The following ARID1B variants were observed in gnomAD, a reference collection of about 807,000 sequenced individuals.
The protein encoded by ARID1B is AT-rich interaction domain 1B, also known as AT-rich interactive domain-containing protein 1B.
A neutral mutation model predicts 212.3 loss-of-function variants in ARID1B; 30 were observed. That is an observed-to-expected ratio of 0.14 (90% CI 0.11 to 0.19). ARID1B has a LOEUF of 0.19. ARID1B is among the 10% of genes least tolerant of loss of function. The pLI, the probability that ARID1B is intolerant of heterozygous loss-of-function variation, is 1.00. For synonymous variants in ARID1B, 1,402 were observed against 1,301.7 expected, an observed-to-expected ratio of 1.08 and a Z score of -1.66; for missense variants, 2,891 against 3,204.0, an observed-to-expected ratio of 0.90 and a Z score of 2.36.
At chr6:157,021,427 G>A (rs920120969) in intron 4 of ARID1B, among the ~76,000 whole-genome samples, 2 of 152,206 alleles carry the variant, frequency 1.3e-5, no homozygotes, top group East Asian at 3.9e-4. Context: ...CGAGCGCGGA[G>A]GGGACCGAGT....
At chr6:156,919,514 A>C (rs1297698551) in intron 3 of ARID1B, among the ~76,000 whole-genome samples, 1 of 152,232 alleles carries the variant, frequency 6.6e-6, no homozygotes, top group African/African-American at 2.4e-5. Flanking sequence ...GAAGCCAGGC[A>C]GGCCTGGAGT....
intron 4 of ARID1B, among the ~76,000 whole-genome samples, chr6:156,959,108 T>C (rs1305612581): frequency 6.6e-6 from 1 of 152,210 alleles, no homozygotes; most frequent in Non-Finnish European, 1.5e-5. Context: ...TGAAATGTTT[T>C]CCTCTATTGG....
chr6:157,028,324 G>A (rs1780793317), intron 4 of ARID1B, among the ~76,000 whole-genome samples: 1 of 152,232 alleles, frequency 6.6e-6, no homozygotes, highest in East Asian at 1.9e-4. Flanking sequence ...AGTATAGAAA[G>A]TGTTAAGAAG....
At chr6:157,182,171 C>T (rs1792594456) in intron 12 of ARID1B, among the ~76,000 whole-genome samples, 1 of 152,120 alleles carries the variant, frequency 6.6e-6, no homozygotes, top group Admixed American at 6.5e-5. Flanking sequence ...ATCACTTGAG[C>T]CCAGGAGTTC....
At chr6:156,784,161 T>TTGGGTG (rs1420035644) in intron 1 of ARID1B, among the ~76,000 whole-genome samples, 1 of 152,094 alleles carries the variant, frequency 6.6e-6, no homozygotes, top group East Asian at 1.9e-4. Context: ...TTTGGTTGCA[T>TTGGGTG]GCCTTTTCGG....
chr6:157,154,523 G>A (rs558303565), intron 8 of ARID1B, among the ~76,000 whole-genome samples: 1 of 147,756 alleles, frequency 6.8e-6, no homozygotes, highest in South Asian at 2.1e-4. Flanking sequence ...ATTGAGTCAG[G>A]AGCAGGGTCC....
intron 3 of ARID1B, among the ~76,000 whole-genome samples, chr6:156,905,633 T>G (rs1351057223): frequency 6.6e-6 from 1 of 152,216 alleles, no homozygotes; most frequent in Admixed American, 6.5e-5. Flanking sequence ...TATATGGTGT[T>G]TGGGGTCATT....
chr6:157,196,262 C>T lies in ARID1B; in HGVS notation c.4329C>T (p.Asn1443=), dbSNP rs2128357011. Residue 1443 remains asparagine, a synonymous_variant, in exon 16 of 20, where the codon AAC becomes AAT. Coordinates refer to ENST00000636930, the MANE Select transcript of ARID1B (RefSeq NM_001374828.1). ...AAAGTCCCTCCGGAGCAATGTCTAA[C>T]CTGGGCATGGGGCAGCGCCAGCAGT... ...YNQSPSGAMS[N]LGMGQRQQFP... 1 of 1,612,554 alleles carries T rather than the reference C, an allele frequency of 6.2e-7. No homozygotes were observed. Among genetic ancestry groups the T allele is most frequent in the Non-Finnish European group, 8.5e-7 (1 of 1,179,642 alleles).
chr6:157,084,453 A>AT (rs1195591391), intron 4 of ARID1B, among the ~76,000 whole-genome samples: 3 of 152,134 alleles, frequency 2.0e-5, no homozygotes, highest in Non-Finnish European at 4.4e-5. Context: ...AACTTTACTC[A>AT]TTTTTTAGGA....
Position 157,120,086 on chromosome 6 carries a change from C to T in ARID1B, c.2581+9525C>T, listed in dbSNP as rs116899309. On this transcript the variant is annotated intron_variant, in intron 6 of 19. Transcript: ENST00000636930. ...CAGATACCTCAGGTGAGACCTGGGT[C>T]GAAAGCCTTAAAAAGTAGTTTATTT... is the stretch of plus-strand genomic sequence containing the variant. Among the ~76,000 whole-genome samples the T allele has an allele frequency of 8.5e-3, 1,296 of 152,274 alleles. 8 individuals carry two copies. Among genetic ancestry groups the T allele is most frequent in the South Asian group, 0.016 (77 of 4,818 alleles).
intron 8 of ARID1B, among the ~76,000 whole-genome samples, chr6:157,154,428 G>A (rs1790410856): frequency 6.6e-6 from 1 of 152,086 alleles, no homozygotes; most frequent in African/African-American, 2.4e-5. Flanking sequence ...CTCAGAACTG[G>A]GAAGGTTTTA....
intron 4 of ARID1B, among the ~76,000 whole-genome samples, chr6:156,973,930 T>A (rs1777083220): frequency 6.6e-6 from 1 of 152,252 alleles, no homozygotes; most frequent in African/African-American, 2.4e-5. Flanking sequence ...GTTCTCTCTT[T>A]GTCTGAAAAC....
intron 6 of ARID1B, among the ~76,000 whole-genome samples, chr6:157,122,124 C>T (rs1051334403): frequency 2.0e-5 from 3 of 152,198 alleles, no homozygotes; most frequent in Non-Finnish European, 4.4e-5. Flanking sequence ...ATTAGGCCAA[C>T]TAGGCCAGTT....
chr6:157,046,166 T>C (rs2128542755), intron 4 of ARID1B, among the ~76,000 whole-genome samples: 1 of 152,358 alleles, frequency 6.6e-6, no homozygotes, highest in South Asian at 2.1e-4. Context: ...CAGTTTTCTT[T>C]GTTAGGTTTA....
rs2128394472 is a variant in ARID1B at position 157,206,822 on chromosome 6, C to T, written c.6050C>T (p.Pro2017Leu). 3 of 1,614,098 alleles carry T rather than the reference C, an allele frequency of 1.9e-6. No individual in the cohort carries two copies. The highest frequency in any genetic ancestry group is 2.5e-6 in the Non-Finnish European group (3 of 1,180,032). Residue 2017 changes from proline to leucine, a missense_variant, in exon 20 of 20, where the codon CCT (proline) becomes CTT (leucine). Physicochemically the swap from Pro to Leu is moderately conservative, Grantham distance 98. This residue lies in a region of ARID1B where 332 missense variants were observed against 369.2 expected (regional missense o/e 0.90). Coordinates refer to ENST00000636930, the MANE Select transcript of ARID1B (RefSeq NM_001374828.1). This position sits in a 1 kb window ranked among gnomAD's most constrained non-coding sequence, Gnocchi z 6.8. ...GGGGCATTGCCTGAAGACGCAAACC[C>T]TGGGCCCCAGACCGAAAGCAGTAAG... ...RPGALPEDAN[P>L]GPQTESSKFP... is the part of the protein sequence containing the mutation.
rs1429742991 is a variant in ARID1B at position 157,201,714 on chromosome 6, AC to A, written c.5263+228del. On this transcript the variant is annotated intron_variant, in intron 18 of 19. Transcript: ENST00000636930. This position sits in a 1 kb window ranked among gnomAD's most constrained non-coding sequence, Gnocchi z 5.2. ...GGGCGCGGTGGCTCATGCCTGTAATACCAGCACTTTGGGAGGCCCAGGCGGG... is the reference window on the plus strand; with the variant it reads ...GGGCGCGGTGGCTCATGCCTGTAATACAGCACTTTGGGAGGCCCAGGCGGG... Among the ~76,000 whole-genome samples, 1 of 152,136 alleles carries A rather than the reference AC, an allele frequency of 6.6e-6. No individual in the cohort carries two copies. Among genetic ancestry groups the A allele is most frequent in the Non-Finnish European group, 1.5e-5 (1 of 68,024 alleles).
intron 2 of ARID1B, among the ~76,000 whole-genome samples, chr6:156,839,669 A>T (rs186485759): frequency 9.0e-4 from 137 of 152,286 alleles, no homozygotes; most frequent in Admixed American, 1.6e-3. Context: ...ACTGGCCCTT[A>T]GTCTTCATGG....
chr6:157,092,462 G>A (rs1376527172), intron 5 of ARID1B, among the ~76,000 whole-genome samples: 1 of 152,208 alleles, frequency 6.6e-6, no homozygotes, highest in Admixed American at 6.5e-5. Context: ...CTTTGCGTTT[G>A]AAGAACTGCC....
At chr6:156,988,822 G>C (rs1778096278) in intron 4 of ARID1B, among the ~76,000 whole-genome samples, 1 of 152,180 alleles carries the variant, frequency 6.6e-6, no homozygotes, top group South Asian at 2.1e-4. Context: ...TGGAGCTTTT[G>C]TTATCTCAAC....
Sources: gnomAD v4.1 joint callset for allele counts (sites outside exome capture counted in the v4.1 genomes callset) on GRCh38, gnomAD v4.1.1 for gene constraint, gnomAD v4.1.1 regional missense constraint, Gnocchi (gnomAD v3.1) non-coding constraint, MANE v1.5 for transcripts, NCBI Gene and HGNC (gene_info 2026-07-23, HGNC 2026-07-21) for gene names.